SH3PXD2A: variants seen among roughly 807,000 people sequenced by gnomAD.
SH3PXD2A encodes SH3 and PX domain-containing protein 2A.
Under a neutral mutation model 115.2 loss-of-function variants are expected in SH3PXD2A, and 32 were observed. The observed-to-expected ratio is 0.28, with a 90% CI of 0.21 to 0.37. The LOEUF (loss-of-function observed/expected upper bound fraction) is 0.37, where lower values mean the gene tolerates loss of function less well. Ranked by LOEUF, SH3PXD2A falls within the 10% of genes least tolerant of loss-of-function variation. SH3PXD2A has a pLI of 1.00. For missense variants in SH3PXD2A, 1,328 were observed against 1,498.7 expected (o/e 0.89, Z 1.88); for synonymous variants, 610 against 629.1 (o/e 0.97, Z 0.45).
At chr10:103,605,452 AAAC>A (rs1382940739) in intron 14 of SH3PXD2A, among the ~76,000 whole-genome samples, 1 of 152,214 alleles carries the variant, frequency 6.6e-6, no homozygotes, top group Non-Finnish European at 1.5e-5. Context: ...CCTGCAATTA[AAAC>A]AACAAATGGG....
intron 3 of SH3PXD2A, among the ~76,000 whole-genome samples, chr10:103,763,830 G>T (rs966924059): frequency 6.6e-6 from 1 of 151,838 alleles, no homozygotes; most frequent in Non-Finnish European, 1.5e-5. Flanking sequence ...TGACTGATGT[G>T]GGGGGGCTAT....
At chr10:103,715,277 T>C (rs1305895595) in intron 5 of SH3PXD2A, among the ~76,000 whole-genome samples, 1 of 152,220 alleles carries the variant, frequency 6.6e-6, no homozygotes, top group Non-Finnish European at 1.5e-5. Flanking sequence ...CTTGCACAGA[T>C]GGGGAAACAG....
intron 2 of SH3PXD2A, among the ~76,000 whole-genome samples, chr10:103,782,569 A>C (rs767917567): frequency 3.0e-4 from 45 of 152,190 alleles, no homozygotes; most frequent in Non-Finnish European, 1.3e-4. Context: ...TTTCCCAAGC[A>C]CACACTATAT....
At position 103,661,030 on chromosome 10, in the gene SH3PXD2A, C is replaced by T. The variant is rs761878823; in HGVS notation, c.557G>A (p.Ser186Asn). Residue 186 changes from serine (S) to asparagine (N), a missense_variant, in exon 8 of 15, where the codon AGC (serine) becomes AAC (asparagine). Physicochemically the swap from Ser to Asn is conservative, Grantham distance 46. Transcript: ENST00000369774. ...ATCCACCACCTCCCCGGCCTGGAGG[C>T]TCAGCTCCGAGTTCTCCTGCTTCTT... ...NYKKQENSEL[S>N]LQAGEVVDVI... is the part of the protein sequence containing the mutation. The T allele has an allele frequency of 4.3e-6, 7 of 1,614,164 alleles. No homozygotes were observed. The South Asian group carries it at 6.6e-5, about 15-fold the overall frequency.
chr10:103,719,098 T>G (rs1385791547), intron 5 of SH3PXD2A, among the ~76,000 whole-genome samples: 1 of 152,226 alleles, frequency 6.6e-6, no homozygotes, highest in African/African-American at 2.4e-5. Flanking sequence ...TCATAAGAAC[T>G]GTGAGAATTT....
Position 103,601,853 on chromosome 10 carries a change from C to A in SH3PXD2A, c.3365G>T (p.Gly1122Val). Residue 1122 changes from glycine to valine, a missense_variant, in exon 15 of 15, where the codon GGC becomes GTC. Transcript: ENST00000369774. ...QILDGVKPFK[G>V]WVPSNYLEKK... ...CTCAAGGTAGTTGGAAGGCACCCAG[C>A]CTTTGAAGGGCTTCACACCATCCAG... 1 of 1,612,252 alleles carries A rather than the reference C, an allele frequency of 6.2e-7. No individual in the cohort carries two copies. The highest frequency in any genetic ancestry group is 8.5e-7 in the Non-Finnish European group (1 of 1,179,056).
intron 8 of SH3PXD2A, among the ~76,000 whole-genome samples, chr10:103,658,746 AAC>A (rs1483143898): frequency 1.3e-5 from 2 of 152,208 alleles, no homozygotes; most frequent in East Asian, 3.8e-4. Flanking sequence ...TGTTCAGGGA[AAC>A]TCTTTCTACC....
At chr10:103,812,989 A>G (rs1398263698) in intron 1 of SH3PXD2A, among the ~76,000 whole-genome samples, 1 of 152,194 alleles carries the variant, frequency 6.6e-6, no homozygotes, top group Admixed American at 6.5e-5. Context: ...ATGTATATAA[A>G]GATAAGGAAT....
At chr10:103,769,151 TG>T (rs1564884493) in intron 2 of SH3PXD2A, among the ~76,000 whole-genome samples, 1 of 94,172 alleles carries the variant, frequency 1.1e-5, no homozygotes, top group Non-Finnish European at 2.2e-5. Flanking sequence ...TGTGTGTGTG[TG>T]TGTGTGTGTG....
chr10:103,631,321 G>C (rs140262467), intron 8 of SH3PXD2A, among the ~76,000 whole-genome samples: 1 of 152,222 alleles, frequency 6.6e-6, no homozygotes, highest in African/African-American at 2.4e-5. Flanking sequence ...GTTAGGCACA[G>C]GAGATTAACA....
At chr10:103,753,837 C>T (rs888132115) in intron 3 of SH3PXD2A, 9 of 152,184 alleles carry the variant, frequency 5.9e-5, no homozygotes, top group South Asian at 2.1e-4. Context: ...CAACTTTTTC[C>T]CTACAGCCAA....
At chr10:103,632,225 C>T (rs1337903997) in intron 8 of SH3PXD2A, among the ~76,000 whole-genome samples, 1 of 152,138 alleles carries the variant, frequency 6.6e-6, no homozygotes, top group Non-Finnish European at 1.5e-5. Flanking sequence ...TCCTCTCTAC[C>T]ACTGCACTCT....
At chr10:103,760,842 G>A (rs1244252768) in intron 3 of SH3PXD2A, among the ~76,000 whole-genome samples, 2 of 152,140 alleles carry the variant, frequency 1.3e-5, no homozygotes, top group East Asian at 3.8e-4. Context: ...ACAGGTATGA[G>A]CCACTGTGCC....
intron 5 of SH3PXD2A, among the ~76,000 whole-genome samples, chr10:103,703,630 A>G (rs2037946370): frequency 6.6e-6 from 1 of 152,246 alleles, no homozygotes; most frequent in Non-Finnish European, 1.5e-5. Context: ...GGGGTAATGG[A>G]AATAGTCTCT....
At chr10:103,656,332 T>A (rs2037211233) in intron 8 of SH3PXD2A, among the ~76,000 whole-genome samples, 1 of 152,218 alleles carries the variant, frequency 6.6e-6, no homozygotes, top group African/African-American at 2.4e-5. Context: ...AATCCATTGC[T>A]GGTGAGAAAA....
In SH3PXD2A at chr10:103,752,488, TA is replaced by T. The variant is rs2038589947; in HGVS notation, c.229+14605del. ...ATCCTTATGGGGGATTCTGAACTAA[TA>T]AATACAAATCTATTACAATGCACAG... On this transcript the variant is annotated intron_variant, in intron 3 of 14. Transcript: ENST00000369774. Among the ~76,000 whole-genome samples, 4 of 152,134 alleles carry T rather than the reference TA, an allele frequency of 2.6e-5. 1 individual carries two copies. In the South Asian group the frequency reaches 8.3e-4, roughly 32 times the overall value.
intron 3 of SH3PXD2A, among the ~76,000 whole-genome samples, chr10:103,740,003 G>A (rs1205248546): frequency 6.6e-6 from 1 of 152,172 alleles, no homozygotes; most frequent in Non-Finnish European, 1.5e-5. Context: ...CGGAGGCCTG[G>A]GCTCTATGGC....
chr10:103,735,694 TCCCCGA>T, intron 4 of SH3PXD2A, 32 bp downstream of exon 4: 1 of 1,340,894 alleles, frequency 7.5e-7, no homozygotes, highest in Non-Finnish European at 1.1e-6. Flanking sequence ...CCTGAAGCCC[TCCCCGA>T]GCCCCTCCCC....
At chr10:103,768,135 G>C (rs1007237110) in intron 2 of SH3PXD2A, among the ~76,000 whole-genome samples, 3 of 152,166 alleles carry the variant, frequency 2.0e-5, no homozygotes, top group African/African-American at 7.2e-5. Flanking sequence ...CTAAGGAAAG[G>C]GCAGTAAAGA....
Sources: allele counts gnomAD v4.1 joint callset (sites outside exome capture counted in the v4.1 genomes callset), GRCh38; gene constraint gnomAD v4.1.1; transcripts MANE v1.5; gene names NCBI Gene and HGNC (gene_info 2026-07-23, HGNC 2026-07-21).